BICC1: variants seen among roughly 807,000 people sequenced by gnomAD.
The protein encoded by BICC1 is protein bicaudal C homolog 1.
A neutral mutation model predicts 111.0 loss-of-function variants in BICC1; 43 were observed. That is an observed-to-expected ratio of 0.39 (90% CI 0.30 to 0.50). The LOEUF (loss-of-function observed/expected upper bound fraction) is 0.50. BICC1 is among the 20% of genes least tolerant of loss of function. BICC1 has a pLI of 0.88. For missense variants in BICC1, 1,091 were observed against 1,203.2 expected (o/e 0.91, Z 1.38); for synonymous variants, 467 against 434.4 (o/e 1.07, Z -0.93).
chr10:58,807,239 T>A (rs1403719519), intron 17 of BICC1, 81 bp downstream of exon 17: 3 of 1,359,336 alleles, frequency 2.2e-6, no homozygotes, highest in Non-Finnish European at 3.0e-6. Flanking sequence ...CCCTCATTCT[T>A]TATGTACCTA....
intron 2 of BICC1, among the ~76,000 whole-genome samples, chr10:58,637,463 G>T (rs1300324274): frequency 6.6e-6 from 1 of 152,188 alleles, no homozygotes; most frequent in African/African-American, 2.4e-5. Context: ...TTCAGGAGCT[G>T]CCAGTTCTCT....
chr10:58,553,320 G>A (rs1289440324), intron 1 of BICC1, among the ~76,000 whole-genome samples: 2 of 152,202 alleles, frequency 1.3e-5, no homozygotes, highest in Non-Finnish European at 2.9e-5. Flanking sequence ...GTGAAAGAGG[G>A]AGGCAAAGGA....
rs191678543 is a variant in BICC1, at chr10:58,525,291, T to G, written c.190+11958T>G. Among the ~76,000 whole-genome samples the G allele has an allele frequency of 2.3e-4, 27 of 118,120 alleles. 2 individuals carry two copies. Among genetic ancestry groups the G allele is most frequent in the African/African-American group, 7.3e-4 (27 of 37,020 alleles). The allele number at this position is 118,120 out of a possible 152,430, so 77.5% of individuals were successfully genotyped here. A position where few individuals can be genotyped will look rare whatever the true frequency, so the allele number is the denominator to read the frequency against. On this transcript the variant is annotated intron_variant, in intron 1 of 20. Coordinates refer to ENST00000373886, the MANE Select transcript of BICC1 (RefSeq NM_001080512.3). Reference sequence around the variant, plus strand: ...ATGTTTATTGTGGCACTATTCACAATAGCAAAGACTTGGAACCAACCCAAA... The same window carrying G: ...ATGTTTATTGTGGCACTATTCACAAGAGCAAAGACTTGGAACCAACCCAAA...
intron 14 of BICC1, among the ~76,000 whole-genome samples, chr10:58,802,415 C>T (rs552641611): frequency 2.6e-5 from 4 of 152,304 alleles, no homozygotes; most frequent in African/African-American, 9.6e-5. Context: ...ATATTGCAAT[C>T]CCTATTTTGA....
At chr10:58,720,267 G>A (rs187394546) in intron 3 of BICC1, among the ~76,000 whole-genome samples, 12 of 152,230 alleles carry the variant, frequency 7.9e-5, no homozygotes, top group Non-Finnish European at 1.8e-4. Flanking sequence ...TCTTGCTGTC[G>A]TAAGTGAATG....
intron 1 of BICC1, among the ~76,000 whole-genome samples, chr10:58,603,077 T>C (rs911762274): frequency 6.6e-6 from 1 of 152,214 alleles, no homozygotes; most frequent in African/African-American, 2.4e-5. Context: ...TTAAAATGTC[T>C]ATCAGTGACT....
At chr10:58,569,466 C>T (rs1020000512) in intron 1 of BICC1, among the ~76,000 whole-genome samples, 2 of 152,100 alleles carry the variant, frequency 1.3e-5, no homozygotes, top group African/African-American at 4.8e-5. Flanking sequence ...TAGGTATACA[C>T]ATGACATGGT....
chr10:58,799,380 T>C (rs1843465976), intron 12 of BICC1, 128 bp downstream of exon 12: 4 of 600,744 alleles, frequency 6.7e-6, no homozygotes, highest in Non-Finnish European at 1.0e-5. Context: ...AAACCCCTGG[T>C]AAAGTTAAAA....
At chr10:58,732,773 C>A (rs1005648880) in intron 3 of BICC1, among the ~76,000 whole-genome samples, 5 of 151,938 alleles carry the variant, frequency 3.3e-5, no homozygotes, top group Middle Eastern at 3.2e-3. Context: ...CAGAGTGAGA[C>A]CTTGCCTCAC....
In BICC1 at chr10:58,542,805, C is replaced by G. The variant is rs139806720; in HGVS notation, c.190+29472C>G. On this transcript the variant is annotated intron_variant, in intron 1 of 20. Transcript: ENST00000373886. ...ATTGTTAAGGAAATGTAACTCAAAACCACAAGAGGTATCACCTTGCACTCA... is the reference window on the plus strand; with the variant it reads ...ATTGTTAAGGAAATGTAACTCAAAAGCACAAGAGGTATCACCTTGCACTCA... Among the ~76,000 whole-genome samples the G allele has an allele frequency of 2.0e-5, 3 of 151,732 alleles. No individual in the cohort carries two copies. The East Asian group carries it at 5.9e-4, about 30-fold the overall frequency.
At chr10:58,806,705 G>A in intron 16 of BICC1, 82 bp downstream of exon 16, 2 of 1,235,376 alleles carry the variant, frequency 1.6e-6, no homozygotes, top group Non-Finnish European at 2.3e-6. Context: ...GGTGAATCGA[G>A]AACTTGAAAA....
intron 1 of BICC1, among the ~76,000 whole-genome samples, chr10:58,520,842 ATT>A (rs368626728): frequency 1.3e-5 from 2 of 149,196 alleles, no homozygotes; most frequent in Non-Finnish European, 3.0e-5. Flanking sequence ...TATTTTAGGA[ATT>A]TTTTTCCTGG....
rs1845253898 is a variant in BICC1 at position 58,607,316 on chromosome 10, C to CT, written c.191-13539_191-13538insT. Among the ~76,000 whole-genome samples, 10 of 12,854 alleles carry CT rather than the reference C, an allele frequency of 7.8e-4. No homozygotes were observed. The South Asian group carries it at 0.024, about 31-fold the overall frequency. 8.4% of individuals were successfully genotyped at this position (12,854 alleles called of 152,430 possible). A position where few individuals can be genotyped will look rare whatever the true frequency, so the allele number is the denominator to read the frequency against. On this transcript the variant is annotated intron_variant, in intron 1 of 20. Transcript: ENST00000373886. ...GGGCAACAAGAGCGAAACTCTGTCT[C>CT]AAAATAAATAAATAAATAAATAAAT...
chr10:58,742,162 G>T lies in BICC1; in HGVS notation c.307+40019G>T, dbSNP rs75127608. ...GCCAAAGTAGGCAGTTTGAAAACTT[G>T]TTTTTTTCCTAAGTGCAAGTATTAC... On this transcript the variant is annotated intron_variant, in intron 3 of 20. Transcript: ENST00000373886. Among the ~76,000 whole-genome samples the T allele has an allele frequency of 2.6e-4, 23 of 89,540 alleles. 1 individual carries two copies. The South Asian group carries it at 3.8e-3, about 15-fold the overall frequency. 58.7% of individuals were successfully genotyped at this position (89,540 alleles called of 152,430 possible).
chr10:58,789,972 C>A (rs199857978), intron 8 of BICC1, 39 bp downstream of exon 8: 3 of 1,604,124 alleles, frequency 1.9e-6, no homozygotes, highest in Admixed American at 1.7e-5. Context: ...TTTTTTAAAC[C>A]TCTTTGGATT....
At chr10:58,559,429 C>T (rs1843544759) in intron 1 of BICC1, among the ~76,000 whole-genome samples, 1 of 151,866 alleles carries the variant, frequency 6.6e-6, no homozygotes, top group Non-Finnish European at 1.5e-5. Context: ...GAAATGCTAC[C>T]AAATTTTGTA....
rs763233941 is a variant in BICC1 at position 58,644,980 on chromosome 10, G to A, written c.237+24079G>A. On this transcript the variant is annotated intron_variant, in intron 2 of 20. Transcript: ENST00000373886. ...TAGTATTATGTTCACATTCTAAAAGGTTTAGTCTGTGTCTAAACAAAAAAA... is the reference window on the plus strand; with the variant it reads ...TAGTATTATGTTCACATTCTAAAAGATTTAGTCTGTGTCTAAACAAAAAAA... 2.6e-5 allele frequency among the ~76,000 whole-genome samples: 4 copies of A among 151,978 alleles called. No homozygotes were observed. In the South Asian group the frequency reaches 8.3e-4, roughly 32 times the overall value.
At chr10:58,820,814 T>C (rs1447535650) in intron 20 of BICC1, among the ~76,000 whole-genome samples, 2 of 152,166 alleles carry the variant, frequency 1.3e-5, no homozygotes, top group African/African-American at 4.8e-5. Context: ...TAGTGAATAA[T>C]TATTCTTGAT....
At chr10:58,527,190 A>G in intron 1 of BICC1, among the ~76,000 whole-genome samples, 1 of 151,992 alleles carries the variant, frequency 6.6e-6, no homozygotes, top group Admixed American at 6.6e-5. Flanking sequence ...GATGATGAAC[A>G]TTTTTTCATG....
Sources: allele counts gnomAD v4.1 joint callset (sites outside exome capture counted in the v4.1 genomes callset), GRCh38; gene constraint gnomAD v4.1.1; transcripts MANE v1.5; gene names NCBI Gene and HGNC (gene_info 2026-07-23, HGNC 2026-07-21).